The following SRGAP2C variants were observed in gnomAD, a reference collection of about 807,000 sequenced individuals.
SRGAP2C encodes SLIT-ROBO Rho GTPase activating protein 2C, also known as SLIT-ROBO Rho GTPase-activating protein 2C.
In SRGAP2C, 15 loss-of-function variants were observed where a neutral mutation model predicts 25.1. The ratio of observed to expected loss-of-function variants is 0.60; its 90% CI spans 0.40 to 0.92. SRGAP2C has a LOEUF of 0.92. Ranked by LOEUF, SRGAP2C falls within the 40% of genes least tolerant of loss-of-function variation. SRGAP2C has a pLI of 0.00. For missense variants in SRGAP2C, 144 were observed against 264.4 expected (o/e 0.54, Z 3.16); for synonymous variants, 44 against 96.6 (o/e 0.46, Z 3.19).
intron 4 of SRGAP2C, among the ~76,000 whole-genome samples, chr1:121,336,539 T>G (rs2101621001): frequency 9.3e-6 from 1 of 107,482 alleles, no homozygotes; most frequent in South Asian, 3.0e-4. Context: ...CCTCCTTCCC[T>G]TCCTTTTCTC....
intron 4 of SRGAP2C, among the ~76,000 whole-genome samples, chr1:121,355,229 C>T (rs1376131067): frequency 1.0e-4 from 15 of 144,482 alleles, no homozygotes; most frequent in African/African-American, 3.8e-4. Context: ...CCAAAAAAGT[C>T]AGTAAAAATA....
intron 2 of SRGAP2C, among the ~76,000 whole-genome samples, chr1:121,248,502 A>G (rs1277170877): frequency 1.1e-4 from 15 of 139,534 alleles, no homozygotes; most frequent in African/African-American, 4.1e-4. Flanking sequence ...GCTGGAGTGC[A>G]GTGGCGCAAT....
At chr1:121,241,846 AAT>A in intron 2 of SRGAP2C, among the ~76,000 whole-genome samples, 1 of 134,878 alleles carries the variant, frequency 7.4e-6, no homozygotes, top group Non-Finnish European at 1.6e-5. Context: ...AGTAAAGGTA[AAT>A]TTAAAATATG....
chr1:121,378,030 G>A (rs1479498674), intron 7 of SRGAP2C, among the ~76,000 whole-genome samples: 28 of 151,764 alleles, frequency 1.8e-4, no homozygotes, highest in African/African-American at 6.8e-4. Flanking sequence ...ATGAACAGAG[G>A]AAGATCTCAG....
intron 2 of SRGAP2C, among the ~76,000 whole-genome samples, chr1:121,267,198 C>T (rs1553334456): frequency 6.6e-6 from 1 of 150,894 alleles, no homozygotes; most frequent in African/African-American, 2.4e-5. Context: ...GAAAGATCAT[C>T]ACACTTTTTT....
At chr1:121,370,695 G>A (rs1397569500) in intron 5 of SRGAP2C, among the ~76,000 whole-genome samples, 1 of 151,928 alleles carries the variant, frequency 6.6e-6, no homozygotes, top group Non-Finnish European at 1.5e-5. Flanking sequence ...CCGCCCACCT[G>A]GGCCTCCCAA....
At chr1:121,312,620 T>C (rs1657991902) in intron 3 of SRGAP2C, among the ~76,000 whole-genome samples, 1 of 124,002 alleles carries the variant, frequency 8.1e-6, no homozygotes, top group African/African-American at 3.0e-5. Flanking sequence ...TTCTGGTATG[T>C]TGTGTGTTTT....
chr1:121,191,496 G>C (rs1654674950), intron 2 of SRGAP2C, among the ~76,000 whole-genome samples: 1 of 149,386 alleles, frequency 6.7e-6, no homozygotes, highest in South Asian at 2.1e-4. Flanking sequence ...CTGCAGGTAT[G>C]GGGAGGGCTG....
At chr1:121,347,615 G>C (rs1658779742) in intron 4 of SRGAP2C, among the ~76,000 whole-genome samples, 1 of 152,202 alleles carries the variant, frequency 6.6e-6, no homozygotes, top group Admixed American at 6.5e-5. Flanking sequence ...TACATATTTG[G>C]CTGCAAAGCC....
intron 6 of SRGAP2C, among the ~76,000 whole-genome samples, 178 bp from the exon 7 acceptor site, chr1:121,374,648 A>C (rs1227512876): frequency 6.6e-6 from 1 of 152,106 alleles, no homozygotes; most frequent in Non-Finnish European, 1.5e-5. Flanking sequence ...CCTTTCCTGA[A>C]TTGATCTACA....
chr1:121,248,167 C>T (rs1465529095), intron 2 of SRGAP2C, among the ~76,000 whole-genome samples: 1 of 145,774 alleles, frequency 6.9e-6, no homozygotes, highest in Non-Finnish European at 1.5e-5. Context: ...GCCTTACCAG[C>T]TATGCTTGTC....
chr1:121,338,636 A>G (rs1389242208), intron 4 of SRGAP2C, among the ~76,000 whole-genome samples: 3 of 128,032 alleles, frequency 2.3e-5, no homozygotes, highest in Admixed American at 8.4e-5. Context: ...CATTTACTCA[A>G]TATGAAACTT....
chr1:121,305,153 C>T (rs1657800394), intron 3 of SRGAP2C, among the ~76,000 whole-genome samples: 1 of 151,162 alleles, frequency 6.6e-6, no homozygotes, highest in South Asian at 2.1e-4. Flanking sequence ...CTAGGTTCTC[C>T]TTGCCATTCT....
At chr1:121,338,614 A>G (rs1241718698) in intron 4 of SRGAP2C, among the ~76,000 whole-genome samples, 3 of 120,194 alleles carry the variant, frequency 2.5e-5, no homozygotes, top group South Asian at 5.5e-4. Context: ...GTCTACATCC[A>G]GCTTCTCCCA....
At chr1:121,295,327 T>A (rs1195447583) in intron 3 of SRGAP2C, among the ~76,000 whole-genome samples, 2 of 151,652 alleles carry the variant, frequency 1.3e-5, no homozygotes, top group Admixed American at 1.3e-4. Flanking sequence ...AGGTATGAAT[T>A]CTGATTAAGG....
Position 121,387,997 on chromosome 1 carries a change from A to G in SRGAP2C, c.*142A>G. The G allele has an allele frequency of 3.2e-6, 2 of 633,948 alleles. No homozygotes were observed. The highest frequency in any genetic ancestry group is 2.0e-5 in the South Asian group (1 of 50,766). The allele number at this position is 633,948 out of a possible 1,614,324, so 39.3% of individuals were successfully genotyped here. ...CATCCCTACACTTAAAGGTGCAAAC[A>G]TTAAAAGTTGTATATGTCTAACAGG... On this transcript the variant is annotated 3_prime_UTR_variant, in exon 10 of 10. Transcript: ENST00000367123.
chr1:121,347,209 G>A (rs587720572), intron 4 of SRGAP2C, among the ~76,000 whole-genome samples: 2,539 of 108,302 alleles, frequency 0.023, 54 homozygotes, highest in Non-Finnish European at 0.035. Context: ...AGCTAAGGAA[G>A]GCAAATCTGA....
intron 4 of SRGAP2C, among the ~76,000 whole-genome samples, chr1:121,335,380 A>AAATG (rs1658490235): frequency 7.0e-6 from 1 of 143,670 alleles, no homozygotes; most frequent in African/African-American, 2.6e-5. Flanking sequence ...ATAAATAAAT[A>AAATG]AATAAATAAA....
intron 2 of SRGAP2C, among the ~76,000 whole-genome samples, chr1:121,206,359 CTT>C (rs2101406790): frequency 6.6e-6 from 1 of 152,292 alleles, no homozygotes; most frequent in Non-Finnish European, 1.5e-5. Context: ...GGAGTAGACT[CTT>C]GGGCTGGAGC....
Sources: gnomAD v4.1 joint callset for allele counts (sites outside exome capture counted in the v4.1 genomes callset) on GRCh38, gnomAD v4.1.1 for gene constraint, MANE v1.5 for transcripts, NCBI Gene and HGNC (gene_info 2026-07-23, HGNC 2026-07-21) for gene names.